The following PFN2 variants were observed in gnomAD, a reference collection of about 807,000 sequenced individuals.
The protein encoded by PFN2 is profilin-2.
In PFN2, 8 loss-of-function variants were observed where a neutral mutation model predicts 15.3. The ratio of observed to expected loss-of-function variants is 0.52; its 90% CI spans 0.31 to 0.95. PFN2 has a LOEUF of 0.95. PFN2 is among the 40% of genes least tolerant of loss of function. PFN2 has a pLI of 0.05. For missense variants in PFN2, 111 were observed against 182.3 expected (o/e 0.61, Z 2.25); for synonymous variants, 79 against 67.9 (o/e 1.16, Z -0.81).
intron 2 of PFN2, among the ~76,000 whole-genome samples, chr3:149,967,139 T>C (rs1373873991): frequency 2.0e-5 from 3 of 152,238 alleles, no homozygotes; most frequent in Non-Finnish European, 2.9e-5. Flanking sequence ...GTTTGCTTAC[T>C]GATAACTTCA....
chr3:149,970,069 C>T (rs1482327644), intron 1 of PFN2, among the ~76,000 whole-genome samples: 4 of 150,864 alleles, frequency 2.7e-5, no homozygotes, highest in African/African-American at 9.8e-5. Flanking sequence ...AAAAAAACAA[C>T]CTATAGAGCT....
chr3:149,966,727 T>C (rs1231132193), intron 2 of PFN2, 141 bp from the exon 3 acceptor site: 1 of 676,118 alleles, frequency 1.5e-6, no homozygotes, highest in Admixed American at 2.5e-5. Flanking sequence ...TCAAGTAGGT[T>C]TCCAAAAAGA....
In PFN2 at chr3:149,965,697, A is replaced by G. The variant is rs2108628947; in HGVS notation, c.*792T>C. On this transcript the variant is annotated 3_prime_UTR_variant, in exon 3 of 3. Coordinates refer to ENST00000239940, the MANE Select transcript of PFN2 (RefSeq NM_053024.4). ...AAAGATGGAAGCAAACCAAATGCCT[A>G]TGTGCGAAGGGAGGGGGGGCGGGAA... 3.4e-6 allele frequency: 1 copy of G among 292,754 alleles called. No homozygotes were observed. Among genetic ancestry groups the G allele is most frequent in the Non-Finnish European group, 4.2e-6 (1 of 240,016 alleles). The allele number at this position is 292,754 out of a possible 1,614,324, so 18.1% of individuals were successfully genotyped here. A position where few individuals can be genotyped will look rare whatever the true frequency, so the allele number is the denominator to read the frequency against.
intron 2 of PFN2, among the ~76,000 whole-genome samples, chr3:149,967,233 TA>T (rs1722717810): frequency 6.6e-6 from 1 of 152,228 alleles, no homozygotes; most frequent in Non-Finnish European, 1.5e-5. Context: ...TTCAAAGGTG[TA>T]TAACCCAAAA....
chr3:149,968,664 C>CAGAT, intron 1 of PFN2, 114 bp from the exon 2 acceptor site: 1 of 755,644 alleles, frequency 1.3e-6, no homozygotes, highest in Non-Finnish European at 2.2e-6. Flanking sequence ...CTACCACTGC[C>CAGAT]AGATAGCCAC....
rs112685021 is a variant in PFN2, at chr3:149,966,960, T to G, written c.326-374A>C. 1.7e-4 allele frequency among the ~76,000 whole-genome samples: 17 copies of G among 102,460 alleles called. 1 individual carries two copies. Among genetic ancestry groups the G allele is most frequent in the African/African-American group, 3.6e-4 (8 of 22,136 alleles). The allele number at this position is 102,460 out of a possible 152,430, so 67.2% of individuals were successfully genotyped here. ...TATAAACTTAATAAACCTGGGGAGT[T>G]ACTTACTTACAAACTCTCCCCAAAT... On this transcript the variant is annotated intron_variant, in intron 2 of 2. Coordinates refer to ENST00000239940, the MANE Select transcript of PFN2 (RefSeq NM_053024.4).
chr3:149,966,685 GT>G, intron 2 of PFN2, 99 bp from the exon 3 acceptor site: 2 of 916,634 alleles, frequency 2.2e-6, no homozygotes, highest in Non-Finnish European at 3.5e-6. Flanking sequence ...TTAACATTAA[GT>G]TAGTTTTCCA....
chr3:149,968,696 G>C, intron 1 of PFN2, 146 bp from the exon 2 acceptor site: 1 of 626,840 alleles, frequency 1.6e-6, no homozygotes, highest in Non-Finnish European at 2.8e-6. Context: ...GTAAAACCAA[G>C]ATTCAGTCTT....
chr3:149,967,331 G>A (rs1416967979), intron 2 of PFN2, among the ~76,000 whole-genome samples: 5 of 152,168 alleles, frequency 3.3e-5, no homozygotes, highest in Non-Finnish European at 7.3e-5. Flanking sequence ...TTTGTCTTGT[G>A]TTTGACGCTT....
intron 1 of PFN2, 170 bp from the exon 2 acceptor site, chr3:149,968,720 T>C (rs4425205): frequency 0.78 from 462,611 of 592,294 alleles, 181,141 homozygotes; most frequent in East Asian, 0.85. Flanking sequence ...TAAATAATTA[T>C]TTAATCCTAT....
At chr3:149,966,696 A>T in intron 2 of PFN2, 110 bp from the exon 3 acceptor site, 1 of 813,628 alleles carries the variant, frequency 1.2e-6, no homozygotes, top group Non-Finnish European at 2.0e-6. Context: ...TTAGTTTTCC[A>T]TGAACTGCCA....
chr3:149,970,197 G>A (rs922435772), intron 1 of PFN2, among the ~76,000 whole-genome samples: 14 of 152,016 alleles, frequency 9.2e-5, no homozygotes, highest in Non-Finnish European at 1.9e-4. Flanking sequence ...CCCGGGGGCC[G>A]GGCCGGGGCC....
chr3:149,970,197 G>T (rs922435772), intron 1 of PFN2, among the ~76,000 whole-genome samples: 8 of 152,016 alleles, frequency 5.3e-5, no homozygotes, highest in Non-Finnish European at 1.2e-4. Flanking sequence ...CCCGGGGGCC[G>T]GGCCGGGGCC....
chr3:149,966,687 T>TA, intron 2 of PFN2, 101 bp from the exon 3 acceptor site: 3 of 879,254 alleles, frequency 3.4e-6, no homozygotes, highest in Non-Finnish European at 5.5e-6. Flanking sequence ...AACATTAAGT[T>TA]AGTTTTCCAT....
rs771703291 is a variant in PFN2, at chr3:149,968,383, A to G, written c.300T>C (p.Asn100=). The change falls in exon 2 of 3, where the codon AAT becomes AAC. Residue 100 remains asparagine, a synonymous_variant. Transcript: ENST00000239940. ...CTCTACCAGCTCTGCCGACAGCCACATTGTATGTTGGCTCCCCACCTTGAC... is the reference window on the plus strand; with the variant it reads ...CTCTACCAGCTCTGCCGACAGCCACGTTGTATGTTGGCTCCCCACCTTGAC... ...TKSQGGEPTY[N]VAVGRAGRVL... is the part of the protein sequence containing the mutation. 60 of 1,613,932 alleles carry G rather than the reference A, an allele frequency of 3.7e-5. No individual in the cohort carries two copies. In the Middle Eastern group the frequency reaches 6.6e-4, roughly 18 times the overall value.
intron 1 of PFN2, chr3:149,970,453 A>C: frequency 3.7e-6 from 1 of 268,798 alleles, no homozygotes; most frequent in Non-Finnish European, 6.9e-6. Context: ...CAACCCGGGC[A>C]CCTGGACCGA....
Position 149,965,667 on chromosome 3 carries a change from TA to T in PFN2, c.*821del. 5 of 819,138 alleles carry T rather than the reference TA, an allele frequency of 6.1e-6. No individual in the cohort carries two copies. The highest frequency in any genetic ancestry group is 3.2e-5 in the African/African-American group (1 of 30,992). The allele number at this position is 819,138 out of a possible 1,614,324, so 50.7% of individuals were successfully genotyped here. A position where few individuals can be genotyped will look rare whatever the true frequency, so the allele number is the denominator to read the frequency against. On this transcript the variant is annotated 3_prime_UTR_variant, in exon 3 of 3. Transcript: ENST00000239940. The stretch of plus-strand genomic sequence containing the variant: ...TGGTTAAAAAAAAACAGGCACTGCA[TA>T]AAAAAAGATGGAAGCAAACCAAATG...
Position 149,965,536 on chromosome 3 carries a change from C to G in PFN2, c.*953G>C. On this transcript the variant is annotated 3_prime_UTR_variant, in exon 3 of 3. Transcript: ENST00000239940. ...TTTTGCCATTGCACTCTTCATATGTCCTGTAGACACTATGAATAAAGGTTT... is the reference window on the plus strand; with the variant it reads ...TTTTGCCATTGCACTCTTCATATGTGCTGTAGACACTATGAATAAAGGTTT... 1.5e-6 allele frequency: 2 copies of G among 1,324,306 alleles called. No individual in the cohort carries two copies. Among genetic ancestry groups the G allele is most frequent in the Non-Finnish European group, 1.9e-6 (2 of 1,041,828 alleles). 82.0% of individuals were successfully genotyped at this position (1,324,306 alleles called of 1,614,324 possible). A position where few individuals can be genotyped will look rare whatever the true frequency, so the allele number is the denominator to read the frequency against.
At chr3:149,966,616 A>C (rs766005624) in intron 2 of PFN2, 30 bp from the exon 3 acceptor site, 1 of 1,500,604 alleles carries the variant, frequency 6.7e-7, no homozygotes, top group Non-Finnish European at 9.3e-7. Context: ...AGTGTTTCAA[A>C]AGAAGTGTTA....
Sources: allele counts gnomAD v4.1 joint callset (sites outside exome capture counted in the v4.1 genomes callset), GRCh38; gene constraint gnomAD v4.1.1; transcripts MANE v1.5; gene names NCBI Gene and HGNC (gene_info 2026-07-23, HGNC 2026-07-21).